Variants in CPA6 observed in about 807,000 individuals in gnomAD.
The protein encoded by CPA6 is carboxypeptidase B.
Under a neutral mutation model 63.3 loss-of-function variants are expected in CPA6, and 58 were observed. The ratio of observed to expected loss-of-function variants is 0.92; its 90% CI spans 0.74 to 1.14. The LOEUF (loss-of-function observed/expected upper bound fraction) is 1.14, where lower values mean the gene tolerates loss of function less well. Ranked by LOEUF, CPA6 falls within the 50% of genes most tolerant of loss-of-function variation. CPA6 has a pLI of 0.00. For synonymous variants in CPA6, 185 were observed against 179.0 expected, an observed-to-expected ratio of 1.03 and a Z score of -0.27; for missense variants, 565 against 526.6, an observed-to-expected ratio of 1.07 and a Z score of -0.71.
At chr8:67,443,786 C>G (rs1446134298) in intron 8 of CPA6, among the ~76,000 whole-genome samples, 1 of 152,116 alleles carries the variant, frequency 6.6e-6, no homozygotes, top group Non-Finnish European at 1.5e-5. Flanking sequence ...GAGACCAAAT[C>G]AAGACACAAT....
chr8:67,540,894 T>C (rs1812690149), intron 2 of CPA6, among the ~76,000 whole-genome samples: 2 of 152,226 alleles, frequency 1.3e-5, no homozygotes, highest in Non-Finnish European at 1.5e-5. Flanking sequence ...CAGACTGCTG[T>C]GCTGGCAGTG....
chr8:67,531,202 G>C lies in CPA6; in HGVS notation c.193-13155C>G, dbSNP rs144416399. ...CAATTATATTATCAACAGGGGAAGG[G>C]TAAAGGGACTTAAAGGGATGTAAGG... is the stretch of plus-strand genomic sequence containing the variant. On this transcript the variant is annotated intron_variant, in intron 2 of 10. Transcript: ENST00000297770. Among the ~76,000 whole-genome samples the C allele has an allele frequency of 7.7e-3, 1,166 of 152,122 alleles. 15 individuals carry two copies. Among genetic ancestry groups the C allele is most frequent in the African/African-American group, 0.026 (1,095 of 41,512 alleles).
intron 1 of CPA6, among the ~76,000 whole-genome samples, chr8:67,667,583 T>G (rs1170376566): frequency 6.6e-6 from 1 of 152,166 alleles, no homozygotes; most frequent in Admixed American, 6.5e-5. Flanking sequence ...CCTCTGATTT[T>G]GCAGATTTAA....
intron 1 of CPA6, among the ~76,000 whole-genome samples, chr8:67,735,882 A>G (rs1265110731): frequency 2.0e-5 from 3 of 152,066 alleles, no homozygotes; most frequent in African/African-American, 7.2e-5. Context: ...GGACCTCACC[A>G]ACCTCTGCAG....
chr8:67,688,161 G>A (rs551448742), intron 1 of CPA6, among the ~76,000 whole-genome samples: 2 of 152,256 alleles, frequency 1.3e-5, no homozygotes, highest in Non-Finnish European at 2.9e-5. Flanking sequence ...GCATCAGTGT[G>A]AGAACCTGTC....
intron 2 of CPA6, among the ~76,000 whole-genome samples, chr8:67,566,063 A>G (rs1437353008): frequency 1.3e-5 from 2 of 152,214 alleles, no homozygotes; most frequent in Non-Finnish European, 2.9e-5. Context: ...GGGGCTTCCA[A>G]GGCAAAAGCA....
At chr8:67,496,505 C>A (rs1811712781) in intron 6 of CPA6, among the ~76,000 whole-genome samples, 1 of 133,214 alleles carries the variant, frequency 7.5e-6, no homozygotes, top group Non-Finnish European at 1.5e-5. Flanking sequence ...GTGCAACCAT[C>A]ACCACTATAT....
At chr8:67,492,983 A>G (rs1255356434) in intron 6 of CPA6, among the ~76,000 whole-genome samples, 1 of 152,224 alleles carries the variant, frequency 6.6e-6, no homozygotes, top group African/African-American at 2.4e-5. Flanking sequence ...AAGGCCAGGA[A>G]AAAGCAAACC....
chr8:67,614,100 C>T (rs1587635384), intron 2 of CPA6, among the ~76,000 whole-genome samples: 1 of 152,328 alleles, frequency 6.6e-6, no homozygotes, highest in East Asian at 1.9e-4. Flanking sequence ...AGAAAGCTGT[C>T]ACTGGCCCTC....
intron 2 of CPA6, among the ~76,000 whole-genome samples, chr8:67,576,159 C>G (rs1044614580): frequency 2.6e-5 from 4 of 152,064 alleles, no homozygotes; most frequent in African/African-American, 9.7e-5. Context: ...TACATTTTAA[C>G]ATCACTTAAG....
rs918140730 is a variant in CPA6 at position 67,651,489 on chromosome 8, A to AT, written c.117-27239dup. Among the ~76,000 whole-genome samples, 7 of 151,742 alleles carry AT rather than the reference A, an allele frequency of 4.6e-5. No homozygotes were observed. In the South Asian group the frequency reaches 8.3e-4, roughly 18 times the overall value. ...TTTTAATGCTCAATATTTTATTTGT[A>AT]TTGTTGTTTTCTATATAGATATGAT... On this transcript the variant is annotated intron_variant, in intron 1 of 10. Transcript: ENST00000297770.
chr8:67,636,737 T>C (rs1815477024), intron 1 of CPA6, among the ~76,000 whole-genome samples: 1 of 151,598 alleles, frequency 6.6e-6, no homozygotes, highest in Non-Finnish European at 1.5e-5. Flanking sequence ...AATAATAGGA[T>C]GTTCACTTAC....
intron 2 of CPA6, among the ~76,000 whole-genome samples, chr8:67,576,886 AC>A (rs1813640268): frequency 6.8e-6 from 1 of 146,572 alleles, no homozygotes; most frequent in Admixed American, 6.9e-5. Flanking sequence ...TTTTTTTGAG[AC>A]AGTCTTGCTC....
intron 2 of CPA6, among the ~76,000 whole-genome samples, chr8:67,541,761 A>T (rs993417356): frequency 6.6e-6 from 1 of 152,126 alleles, no homozygotes; most frequent in Non-Finnish European, 1.5e-5. Context: ...GGAGTTCCTG[A>T]ATCCCTTGTG....
chr8:67,506,677 T>C, intron 6 of CPA6, 110 bp downstream of exon 6: 1 of 710,810 alleles, frequency 1.4e-6, no homozygotes, highest in Non-Finnish European at 2.6e-6. Context: ...GGTGTTACTG[T>C]TATTCAATCA....
intron 8 of CPA6, among the ~76,000 whole-genome samples, chr8:67,473,101 GCT>G (rs1291309694): frequency 5.3e-5 from 8 of 152,186 alleles, no homozygotes; most frequent in Non-Finnish European, 1.0e-4. Flanking sequence ...AGATAGAATA[GCT>G]CTTTTTAGCA....
At chr8:67,630,865 T>A (rs1165178715) in intron 1 of CPA6, among the ~76,000 whole-genome samples, 1 of 152,230 alleles carries the variant, frequency 6.6e-6, no homozygotes, top group Non-Finnish European at 1.5e-5. Flanking sequence ...GCTTACCACC[T>A]GGGCCAGCAG....
At chr8:67,576,440 C>G (rs186291588) in intron 2 of CPA6, among the ~76,000 whole-genome samples, 136 of 152,280 alleles carry the variant, frequency 8.9e-4, no homozygotes, top group African/African-American at 3.1e-3. Context: ...TATGACCACT[C>G]ACATAGACAT....
At chr8:67,583,626 G>A (rs1813835957) in intron 2 of CPA6, among the ~76,000 whole-genome samples, 1 of 152,194 alleles carries the variant, frequency 6.6e-6, no homozygotes, top group South Asian at 2.1e-4. Flanking sequence ...GTCACACCAA[G>A]GGCTGTGAAT....
Sources: allele counts gnomAD v4.1 joint callset (sites outside exome capture counted in the v4.1 genomes callset), GRCh38; gene constraint gnomAD v4.1.1; transcripts MANE v1.5; gene names NCBI Gene and HGNC (gene_info 2026-07-23, HGNC 2026-07-21).